CREB3L2: variants seen among roughly 807,000 people sequenced by gnomAD.
The protein encoded by CREB3L2 is cyclic AMP-responsive element-binding protein 3-like protein 2.
In CREB3L2, 23 loss-of-function variants were observed where a neutral mutation model predicts 57.2. That is an observed-to-expected ratio of 0.40 (90% confidence interval 0.29 to 0.57). CREB3L2 has a LOEUF of 0.57. Among genes scored for constraint, CREB3L2 ranks in the 20% least tolerant of loss-of-function variants. The pLI, the probability that CREB3L2 is intolerant of heterozygous loss-of-function variation, is 0.42. For synonymous variants in CREB3L2, 268 were observed against 265.1 expected, an observed-to-expected ratio of 1.01 and a Z score of -0.11; for missense variants, 628 against 634.7, an observed-to-expected ratio of 0.99 and a Z score of 0.11.
chr7:137,929,753 C>T (rs1800571022), intron 1 of CREB3L2, among the ~76,000 whole-genome samples: 1 of 149,958 alleles, frequency 6.7e-6, no homozygotes, highest in Non-Finnish European at 1.5e-5. Flanking sequence ...CCTGTAATCC[C>T]AGCTACTCGG....
intron 1 of CREB3L2, among the ~76,000 whole-genome samples, chr7:137,994,434 C>T (rs1801950506): frequency 6.6e-6 from 1 of 152,200 alleles, no homozygotes; most frequent in Admixed American, 6.5e-5. Flanking sequence ...TGATTACAGG[C>T]TCAGCTAGCT....
intron 1 of CREB3L2, among the ~76,000 whole-genome samples, chr7:137,992,590 A>C (rs931390584): frequency 1.3e-5 from 2 of 152,240 alleles, no homozygotes; most frequent in African/African-American, 4.8e-5. Flanking sequence ...GCTTTTCGTC[A>C]AAAGACAAAT....
At position 137,877,000 on chromosome 7, in the gene CREB3L2, G is replaced by C. The variant is rs3735017; in HGVS notation, c.*3476C>G. The C allele has an allele frequency of 1.7e-5, 4 of 230,388 alleles. No homozygotes were observed. Among genetic ancestry groups the C allele is most frequent in the East Asian group, 1.2e-4 (2 of 16,232 alleles). 14.3% of individuals were successfully genotyped at this position (230,388 alleles called of 1,614,324 possible). On this transcript the variant is annotated 3_prime_UTR_variant, in exon 12 of 12. Transcript: ENST00000330387. ...GAGAGGCCTCTAATTCTGCCTCTAC[G>C]CTTTTGCTGGGTCTGAGGACATGGG...
chr7:137,885,347 G>A, intron 9 of CREB3L2, 56 bp downstream of exon 9: 1 of 1,441,100 alleles, frequency 6.9e-7, no homozygotes, highest in Non-Finnish European at 9.7e-7. Flanking sequence ...GGAGGGAGAG[G>A]GGAGACAGGG....
At chr7:137,962,888 G>T (rs1046707267) in intron 1 of CREB3L2, among the ~76,000 whole-genome samples, 1 of 151,876 alleles carries the variant, frequency 6.6e-6, no homozygotes, top group Non-Finnish European at 1.5e-5. Context: ...TTCCATCCTC[G>T]CACTCATCCC....
intron 1 of CREB3L2, among the ~76,000 whole-genome samples, chr7:137,988,592 G>C (rs1009248340): frequency 2.0e-5 from 3 of 152,192 alleles, no homozygotes; most frequent in African/African-American, 4.8e-5. Flanking sequence ...AGAATAAAGA[G>C]AGGAAAAGAC....
At chr7:137,913,918 AG>A (rs1401365874) in intron 3 of CREB3L2, among the ~76,000 whole-genome samples, 1 of 152,104 alleles carries the variant, frequency 6.6e-6, no homozygotes, top group Non-Finnish European at 1.5e-5. Flanking sequence ...AGGAGGGGCC[AG>A]GGGGTCTCTT....
chr7:137,951,923 G>T (rs982269991), intron 1 of CREB3L2, among the ~76,000 whole-genome samples: 2 of 152,190 alleles, frequency 1.3e-5, no homozygotes, highest in Non-Finnish European at 2.9e-5. Context: ...CCAGGAGGTG[G>T]AGGCTCTAGT....
chr7:137,896,005 C>T (rs6969436), intron 8 of CREB3L2, among the ~76,000 whole-genome samples: 21,328 of 152,180 alleles, frequency 0.14, 4,621 homozygotes, highest in African/African-American at 0.46. Flanking sequence ...TGCACACTGC[C>T]CAAACACTGG....
chr7:137,884,488 T>C, intron 10 of CREB3L2: 1 of 186,576 alleles, frequency 5.4e-6, no homozygotes, highest in Non-Finnish European at 1.1e-5. Flanking sequence ...GACCTCGTGA[T>C]CTGCCCGCCT....
chr7:137,910,876 A>G (rs1342423777), intron 4 of CREB3L2, among the ~76,000 whole-genome samples: 1 of 152,246 alleles, frequency 6.6e-6, no homozygotes, highest in Non-Finnish European at 1.5e-5. Flanking sequence ...GGGTTACTGC[A>G]AGGTCTGGGG....
intron 2 of CREB3L2, among the ~76,000 whole-genome samples, chr7:137,917,902 C>T (rs981475653): frequency 2.0e-5 from 3 of 152,106 alleles, no homozygotes; most frequent in East Asian, 1.9e-4. Flanking sequence ...ATGGGGTGTG[C>T]GCCACATCCT....
chr7:137,975,981 T>G (rs1801601223), intron 1 of CREB3L2, among the ~76,000 whole-genome samples: 1 of 152,216 alleles, frequency 6.6e-6, no homozygotes, highest in African/African-American at 2.4e-5. Flanking sequence ...TGACCCTCAA[T>G]GTTTCTCTGC....
At chr7:137,959,621 G>A (rs909193595) in intron 1 of CREB3L2, among the ~76,000 whole-genome samples, 13 of 152,176 alleles carry the variant, frequency 8.5e-5, no homozygotes, top group South Asian at 2.1e-4. Context: ...TCCCAAAAAC[G>A]TTTTGGGAGA....
At chr7:137,978,160 C>T (rs925245643) in intron 1 of CREB3L2, among the ~76,000 whole-genome samples, 14 of 152,022 alleles carry the variant, frequency 9.2e-5, no homozygotes, top group Non-Finnish European at 1.6e-4. Flanking sequence ...AATCAGAGAC[C>T]ATGGAGCACA....
In CREB3L2 at chr7:137,971,473, T is replaced by C. The variant is rs556164526; in HGVS notation, c.102+30131A>G. ...TCAAAAAAAAAAAAAAAATTTTGGATGGGGGGAGACATTGTATGAAGGACA... is the reference window on the plus strand; with the variant it reads ...TCAAAAAAAAAAAAAAAATTTTGGACGGGGGGAGACATTGTATGAAGGACA... On this transcript the variant is annotated intron_variant, in intron 1 of 11. Transcript: ENST00000330387. Among the ~76,000 whole-genome samples the C allele has an allele frequency of 7.3e-5, 11 of 150,592 alleles. No homozygotes were observed. The South Asian group carries it at 2.3e-3, about 32-fold the overall frequency.
intron 2 of CREB3L2, among the ~76,000 whole-genome samples, chr7:137,920,803 G>T (rs1297099597): frequency 6.6e-6 from 1 of 152,230 alleles, no homozygotes; most frequent in Non-Finnish European, 1.5e-5. Flanking sequence ...CAGCATTCCA[G>T]TGGTAGCTGA....
chr7:137,959,757 C>T (rs773872878), intron 1 of CREB3L2, among the ~76,000 whole-genome samples: 1 of 152,082 alleles, frequency 6.6e-6, no homozygotes, highest in African/African-American at 2.4e-5. Context: ...GTATAATAAC[C>T]GAATTAAATT....
Position 137,913,071 on chromosome 7 carries a change from G to C in CREB3L2, c.503C>G (p.Ser168Cys). Residue 168 changes from serine to cysteine, a missense_variant, in exon 4 of 12, where the codon TCC (serine) becomes TGC (cysteine). Ser to Cys is a moderately radical substitution (Grantham distance 112, BLOSUM62 -1). Around this residue, in one of 3 missense-constraint regions of CREB3L2, gnomAD observed 339 missense variants for 355.4 expected, o/e 0.95. Coordinates refer to ENST00000330387, the MANE Select transcript of CREB3L2 (RefSeq NM_194071.4). ...PPLEMNTGVD[S>C]SCQTIIPKIK... ...TTTAGGAATAATGGTCTGGCACGAG[G>C]AATCAACCTGGAGGAAGAATTTCAA... 6.2e-7 allele frequency: 1 copy of C among 1,612,796 alleles called. No individual in the cohort carries two copies. The highest frequency in any genetic ancestry group is 8.5e-7 in the Non-Finnish European group (1 of 1,179,492).
Sources: gnomAD v4.1 joint callset for allele counts (sites outside exome capture counted in the v4.1 genomes callset) on GRCh38, gnomAD v4.1.1 for gene constraint, gnomAD v4.1.1 regional missense constraint, MANE v1.5 for transcripts, NCBI Gene and HGNC (gene_info 2026-07-23, HGNC 2026-07-21) for gene names.